IL27RA: variants seen among roughly 807,000 people sequenced by gnomAD.
The protein encoded by IL27RA is interleukin 27 receptor subunit alpha.
Under a neutral mutation model 80.8 loss-of-function variants are expected in IL27RA, and 61 were observed. That is an observed-to-expected ratio of 0.76 (90% CI 0.61 to 0.93). IL27RA has a LOEUF of 0.93. Ranked by LOEUF, IL27RA falls within the 40% of genes least tolerant of loss-of-function variation. The pLI is 0.00. For missense variants in IL27RA, 735 were observed against 808.1 expected, an observed-to-expected ratio of 0.91 and a Z score of 1.10; for synonymous variants, 316 against 332.5, an observed-to-expected ratio of 0.95 and a Z score of 0.54.
At chr19:14,043,451 G>C (rs940316732) in intron 6 of IL27RA, among the ~76,000 whole-genome samples, 2 of 151,834 alleles carry the variant, frequency 1.3e-5, no homozygotes, top group South Asian at 4.2e-4. Flanking sequence ...ATGGAGTCTC[G>C]CTCTGTTGCC....
rs113040256 is a variant in IL27RA at position 14,052,903 on chromosome 19, C to CAAAAAAAAAAAAA, written c.*617_*629dup. 1.1e-5 allele frequency: 1 copy of CAAAAAAAAAAAAA among 89,836 alleles called. No homozygotes were observed. The highest frequency in any genetic ancestry group is 3.7e-5 in the African/African-American group (1 of 27,154). 5.6% of individuals were successfully genotyped at this position (89,836 alleles called of 1,614,324 possible). ...CAAAAATAAACAAACTAATAAAAAG[C>CAAAAAAAAAAAAA]AAAAAAAAAAAAAAAAGAAAAGAAA... On this transcript the variant is annotated 3_prime_UTR_variant, in exon 14 of 14. Coordinates refer to ENST00000263379, the MANE Select transcript of IL27RA (RefSeq NM_004843.4).
chr19:14,045,195 G>A (rs1976047081), intron 6 of IL27RA, among the ~76,000 whole-genome samples: 1 of 151,312 alleles, frequency 6.6e-6, no homozygotes, highest in Non-Finnish European at 1.5e-5. Context: ...GCTGAGGTGG[G>A]AGGATCACTT....
chr19:14,037,710 G>A (rs1308080202), intron 2 of IL27RA, among the ~76,000 whole-genome samples: 3 of 152,070 alleles, frequency 2.0e-5, no homozygotes, highest in Non-Finnish European at 2.9e-5. Flanking sequence ...CAGGCTGGGC[G>A]TGATGTCCCT....
Position 14,051,717 on chromosome 19 carries a change from C to A in IL27RA, c.1622+17C>A. 6.4e-7 allele frequency: 1 copy of A among 1,570,054 alleles called. No individual in the cohort carries two copies. Among genetic ancestry groups the A allele is most frequent in the Non-Finnish European group, 8.7e-7 (1 of 1,146,540 alleles). On this transcript the variant is annotated intron_variant, in intron 12 of 13. Transcript: ENST00000263379. ...CTCTGGAAGGTGAGGCTGTCGGATA[C>A]ATGCATCTCTACCCACGTGGGGAAG... is the stretch of plus-strand genomic sequence containing the variant.
At chr19:14,035,674 C>CAGA (rs1350665991) in intron 2 of IL27RA, among the ~76,000 whole-genome samples, 1 of 152,028 alleles carries the variant, frequency 6.6e-6, no homozygotes, top group Non-Finnish European at 1.5e-5. Context: ...GGATTACAGG[C>CAGA]AGAAGCCACT....
At chr19:14,049,658 T>C (rs575254048) in intron 10 of IL27RA, among the ~76,000 whole-genome samples, 4 of 151,016 alleles carry the variant, frequency 2.6e-5, no homozygotes, top group African/African-American at 7.3e-5. Context: ...CTCAGCTCAC[T>C]GCAACCTCCG....
chr19:14,039,928 T>C lies in IL27RA; in HGVS notation c.534+18T>C. 1 of 1,611,922 alleles carries C rather than the reference T, an allele frequency of 6.2e-7. No individual in the cohort carries two copies. ...GGACCCTGGTGAGTGCTGGGGTCCT[T>C]TTCTCCCCACCCTATTCCGGGCGGG... On this transcript the variant is annotated intron_variant, in intron 4 of 13. Coordinates refer to ENST00000263379, the MANE Select transcript of IL27RA (RefSeq NM_004843.4).
rs1025371138 is a variant in IL27RA, at chr19:14,039,748, C to T, written c.377-5C>T. The T allele has an allele frequency of 1.9e-6, 3 of 1,613,044 alleles. No individual in the cohort carries two copies. The highest frequency in any genetic ancestry group is 2.5e-6 in the Non-Finnish European group (3 of 1,179,426). The stretch of plus-strand genomic sequence containing the variant: ...CTCACTACACCCTAGTTTCCCCTTC[C>T]CCAGTGAAGCCAAACGCCCCCCGGC... On this transcript the variant is annotated splice_region_variant and splice_polypyrimidine_tract_variant and intron_variant, in intron 3 of 13. Transcript: ENST00000263379.
At chr19:14,049,810 C>T (rs1351334324) in intron 10 of IL27RA, among the ~76,000 whole-genome samples, 1 of 151,846 alleles carries the variant, frequency 6.6e-6, no homozygotes, top group Non-Finnish European at 1.5e-5. Context: ...GAACTCCTGA[C>T]CTCGTGATCC....
chr19:14,045,240 T>C (rs1315315387), intron 6 of IL27RA, among the ~76,000 whole-genome samples: 1 of 149,568 alleles, frequency 6.7e-6, no homozygotes, highest in Non-Finnish European at 1.5e-5. Flanking sequence ...TGAGCTATGA[T>C]TGCACCACCG....
intron 6 of IL27RA, among the ~76,000 whole-genome samples, chr19:14,045,491 C>T (rs1217643701): frequency 6.6e-6 from 1 of 150,678 alleles, no homozygotes; most frequent in Non-Finnish European, 1.5e-5. Flanking sequence ...GTCCCAGGTA[C>T]TGGGGAGGCT....
At position 14,031,824 on chromosome 19, in the gene IL27RA, G is replaced by C. The variant is rs1333985981; in HGVS notation, c.-49G>C. 1 of 1,481,066 alleles carries C rather than the reference G, an allele frequency of 6.8e-7. No homozygotes were observed. The highest frequency in any genetic ancestry group is 2.4e-5 in the East Asian group (1 of 40,910). The allele number at this position is 1,481,066 out of a possible 1,614,324, so 91.7% of individuals were successfully genotyped here. On this transcript the variant is annotated 5_prime_UTR_variant, in exon 1 of 14. Transcript: ENST00000263379. ...GAGCTCGAAGAGGAGCAGCGCGGCCGCGCGGACCCGGCAAGGCTGGGCCGG... is the reference window on the plus strand; with the variant it reads ...GAGCTCGAAGAGGAGCAGCGCGGCCCCGCGGACCCGGCAAGGCTGGGCCGG...
intron 11 of IL27RA, 68 bp downstream of exon 11, chr19:14,050,951 G>T: frequency 4.7e-6 from 7 of 1,494,198 alleles, no homozygotes; most frequent in South Asian, 1.3e-5. Context: ...GGTAGCATCT[G>T]GAGTCATTAC....
In IL27RA at chr19:14,048,294, T is replaced by TA. The variant is rs1568503337; in HGVS notation, c.1142-685dup. Among the ~76,000 whole-genome samples the TA allele has an allele frequency of 1.6e-3, 240 of 146,024 alleles. 1 individual carries two copies. The highest frequency in any genetic ancestry group is 5.1e-3 in the African/African-American group (197 of 38,712). Reference sequence around the variant, plus strand: ...TAAATAAATAAATAAATAAATAAATTAATTAATTAATGAACTTGGAAGAAC... The same window carrying TA: ...TAAATAAATAAATAAATAAATAAATTAAATTAATTAATGAACTTGGAAGAAC... On this transcript the variant is annotated intron_variant, in intron 8 of 13. Transcript: ENST00000263379.
At chr19:14,034,397 C>T (rs957474520) in intron 2 of IL27RA, among the ~76,000 whole-genome samples, 3 of 151,774 alleles carry the variant, frequency 2.0e-5, no homozygotes, top group Non-Finnish European at 2.9e-5. Flanking sequence ...CGGTGGCTCA[C>T]GCCTGTAATC....
At position 14,033,143 on chromosome 19, in the gene IL27RA, C is replaced by T. The variant is rs188939548; in HGVS notation, c.218+640C>T. On this transcript the variant is annotated intron_variant, in intron 2 of 13. Transcript: ENST00000263379. The stretch of plus-strand genomic sequence containing the variant: ...CGGAGTTTCACTCTTGTTGCCCAGG[C>T]TGGAATGCAATGGTGTGGTCTCGGC... Among the ~76,000 whole-genome samples, 560 of 138,102 alleles carry T rather than the reference C, an allele frequency of 4.1e-3. 4 individuals carry two copies. The highest frequency in any genetic ancestry group is 0.015 in the African/African-American group (543 of 35,410). 90.6% of individuals were successfully genotyped at this position (138,102 alleles called of 152,430 possible). A position where few individuals can be genotyped will look rare whatever the true frequency, so the allele number is the denominator to read the frequency against.
chr19:14,038,200 C>T (rs1288130691), intron 2 of IL27RA, among the ~76,000 whole-genome samples: 1 of 151,986 alleles, frequency 6.6e-6, no homozygotes, highest in African/African-American at 2.4e-5. Context: ...GTCACCCAGG[C>T]TGGAGTGCAG....
intron 13 of IL27RA, 52 bp downstream of exon 13, chr19:14,052,025 G>A (rs1976176636): frequency 6.4e-7 from 1 of 1,572,096 alleles, no homozygotes; most frequent in African/African-American, 1.3e-5. Context: ...GGGGAGTCCT[G>A]GGGCAGTGGG....
In IL27RA at chr19:14,042,514, C is replaced by T; in HGVS notation, c.596C>T (p.Ala199Val). ...TPVEIQDLELATGYKVYGRCR... is the reference protein window; with the variant it reads ...TPVEIQDLELVTGYKVYGRCR... The stretch of plus-strand genomic sequence containing the variant: ...GTTGAGATCCAAGATTTGGAGCTAG[C>T]CACTGGCTACAAAGTGTATGGCCGC... Residue 199 changes from alanine to valine, a missense_variant, in exon 5 of 14, where the codon GCC becomes GTC. Coordinates refer to ENST00000263379, the MANE Select transcript of IL27RA (RefSeq NM_004843.4). 6.2e-7 allele frequency: 1 copy of T among 1,614,184 alleles called. No individual in the cohort carries two copies.
Sources: gnomAD v4.1 joint callset for allele counts (sites outside exome capture counted in the v4.1 genomes callset) on GRCh38, gnomAD v4.1.1 for gene constraint, MANE v1.5 for transcripts, NCBI Gene and HGNC (gene_info 2026-07-23, HGNC 2026-07-21) for gene names.